TNKS: variants seen among roughly 807,000 people sequenced by gnomAD.
TNKS encodes the protein poly [ADP-ribose] polymerase tankyrase-1.
In TNKS, 72 loss-of-function variants were observed where a neutral mutation model predicts 135.8. The ratio of observed to expected loss-of-function variants is 0.53; its 90% CI spans 0.44 to 0.64. The LOEUF (loss-of-function observed/expected upper bound fraction) is 0.64. Ranked by LOEUF, TNKS falls within the 30% of genes least tolerant of loss-of-function variation. The probability of loss-of-function intolerance (pLI) is 0.00; values close to 1 mark genes in which losing one functional copy is unlikely to be tolerated. For missense variants in TNKS, 1,769 were observed against 1,674.0 expected (o/e 1.06, Z -0.99); for synonymous variants, 849 against 649.3 (o/e 1.31, Z -4.68).
At chr8:9,676,040 TTCTC>T (rs1016207969) in intron 3 of TNKS, among the ~76,000 whole-genome samples, 22 of 150,658 alleles carry the variant, frequency 1.5e-4, no homozygotes, top group Non-Finnish European at 3.1e-4. Context: ...GAGATAGAGT[TTCTC>T]TCTTGTTGCC....
intron 3 of TNKS, among the ~76,000 whole-genome samples, chr8:9,679,204 C>G (rs1399171254): frequency 6.6e-6 from 1 of 152,096 alleles, no homozygotes; most frequent in East Asian, 1.9e-4. Context: ...AGACCCCAAC[C>G]TCCTTTTAAA....
At chr8:9,556,635 A>T in intron 1 of TNKS, 23 bp downstream of exon 1, 1 of 1,612,088 alleles carries the variant, frequency 6.2e-7, no homozygotes, top group Non-Finnish European at 8.5e-7. Flanking sequence ...TGAATTGTTT[A>T]TTAAGGGTTA....
intron 22 of TNKS, among the ~76,000 whole-genome samples, chr8:9,764,136 G>A (rs1563219038): frequency 6.6e-6 from 1 of 151,828 alleles, no homozygotes; most frequent in Non-Finnish European, 1.5e-5. Flanking sequence ...TTTTTTTATT[G>A]AGTTAATTCT....
At chr8:9,715,833 T>C (rs1804576577) in intron 11 of TNKS, among the ~76,000 whole-genome samples, 1 of 152,160 alleles carries the variant, frequency 6.6e-6, no homozygotes, top group African/African-American at 2.4e-5. Context: ...CCCTGCTTTT[T>C]GGGAGTACTA....
intron 9 of TNKS, among the ~76,000 whole-genome samples, chr8:9,709,278 G>C (rs1215475712): frequency 6.6e-6 from 1 of 152,172 alleles, no homozygotes; most frequent in African/African-American, 2.4e-5. Flanking sequence ...AACTAGGGTT[G>C]AGATAGATTC....
intron 1 of TNKS, among the ~76,000 whole-genome samples, chr8:9,565,677 C>T (rs1289077767): frequency 6.6e-6 from 1 of 151,976 alleles, no homozygotes; most frequent in African/African-American, 2.4e-5. Flanking sequence ...CAGTGAAACC[C>T]CGTCTCTACT....
At chr8:9,740,135 A>G (rs1190337897) in intron 17 of TNKS, among the ~76,000 whole-genome samples, 1 of 150,110 alleles carries the variant, frequency 6.7e-6, no homozygotes, top group Admixed American at 6.6e-5. Context: ...AGGAAGAGAG[A>G]TGGATTGCAG....
intron 3 of TNKS, among the ~76,000 whole-genome samples, chr8:9,660,353 A>T (rs1271097342): frequency 6.6e-6 from 1 of 152,186 alleles, no homozygotes; most frequent in East Asian, 1.9e-4. Flanking sequence ...ATACTGGCAA[A>T]CCGAATCCAG....
intron 9 of TNKS, among the ~76,000 whole-genome samples, chr8:9,709,641 C>T (rs1238240109): frequency 6.6e-6 from 1 of 152,142 alleles, no homozygotes; most frequent in South Asian, 2.1e-4. Context: ...ATTTCTGTAG[C>T]GTTGCAGAGG....
intron 2 of TNKS, among the ~76,000 whole-genome samples, chr8:9,596,519 G>A (rs1414478092): frequency 6.6e-6 from 1 of 152,072 alleles, no homozygotes; most frequent in Non-Finnish European, 1.5e-5. Context: ...AATATGGTGG[G>A]TATTAGATTT....
intron 15 of TNKS, among the ~76,000 whole-genome samples, chr8:9,734,269 C>T (rs1000207412): frequency 6.6e-6 from 1 of 152,070 alleles, no homozygotes; most frequent in Non-Finnish European, 1.5e-5. Flanking sequence ...GTGGCCGACC[C>T]ATAATAAAAA....
At chr8:9,731,614 C>T (rs1212353102) in intron 14 of TNKS, among the ~76,000 whole-genome samples, 1 of 151,940 alleles carries the variant, frequency 6.6e-6, no homozygotes, top group East Asian at 1.9e-4. Context: ...TGTGCTGTGG[C>T]GATGGTGGTG....
chr8:9,650,934 ATTTCTGTTG>A (rs950730532), intron 3 of TNKS, among the ~76,000 whole-genome samples: 1 of 152,122 alleles, frequency 6.6e-6, no homozygotes, highest in Non-Finnish European at 1.5e-5. Context: ...ATTTTCTAGA[ATTTCTGTTG>A]TTTCAGGTCT....
intron 3 of TNKS, among the ~76,000 whole-genome samples, chr8:9,651,072 T>C (rs975060448): frequency 1.3e-5 from 2 of 152,288 alleles, no homozygotes; most frequent in East Asian, 3.9e-4. Context: ...TTAACTACGG[T>C]GTCCTTTCTT....
chr8:9,614,044 G>T (rs1799553312), intron 2 of TNKS, among the ~76,000 whole-genome samples: 1 of 152,102 alleles, frequency 6.6e-6, no homozygotes, highest in African/African-American at 2.4e-5. Flanking sequence ...TGATCACTCA[G>T]CAACTAAATA....
chr8:9,617,264 C>T (rs1442131115), intron 3 of TNKS, among the ~76,000 whole-genome samples: 1 of 152,144 alleles, frequency 6.6e-6, no homozygotes, highest in Non-Finnish European at 1.5e-5. Flanking sequence ...ACACAAGATT[C>T]CTGGAGGACA....
intron 18 of TNKS, among the ~76,000 whole-genome samples, chr8:9,749,141 A>C (rs1806388359): frequency 6.6e-6 from 1 of 152,272 alleles, no homozygotes; most frequent in South Asian, 2.1e-4. Context: ...AAGTCAGCTC[A>C]GGTTCAAGGG....
chr8:9,734,802 A>G, intron 15 of TNKS, 63 bp from the exon 16 acceptor site: 2 of 1,356,054 alleles, frequency 1.5e-6, no homozygotes, highest in East Asian at 2.3e-5. Context: ...TTAATTACCT[A>G]CCTACCTACC....
chr8:9,681,726 A>T (rs1435039264), intron 5 of TNKS, among the ~76,000 whole-genome samples: 1 of 152,126 alleles, frequency 6.6e-6, no homozygotes, highest in South Asian at 2.1e-4. Flanking sequence ...AGAAATAATA[A>T]ATTATTTTGC....
Sources: allele counts gnomAD v4.1 joint callset (sites outside exome capture counted in the v4.1 genomes callset), GRCh38; gene constraint gnomAD v4.1.1; transcripts MANE v1.5; gene names NCBI Gene and HGNC (gene_info 2026-07-23, HGNC 2026-07-21).